Variants in ZBTB20 observed in about 807,000 individuals in gnomAD.
The protein encoded by ZBTB20 is zinc finger and BTB domain containing 20, also known as zinc finger and BTB domain-containing protein 20.
In ZBTB20, 9 loss-of-function variants were observed where a neutral mutation model predicts 56.9. The ratio of observed to expected loss-of-function variants is 0.16; its 90% CI spans 0.10 to 0.28. The LOEUF (loss-of-function observed/expected upper bound fraction) is 0.28, where lower values mean the gene tolerates loss of function less well. Ranked by LOEUF, ZBTB20 falls within the 10% of genes least tolerant of loss-of-function variation. ZBTB20 has a pLI of 1.00. For missense variants in ZBTB20, 655 were observed against 1,003.0 expected, an observed-to-expected ratio of 0.65 and a Z score of 4.69; for synonymous variants, 417 against 420.7, an observed-to-expected ratio of 0.99 and a Z score of 0.11.
chr3:114,595,669 TA>T (rs1196577426), intron 6 of ZBTB20, among the ~76,000 whole-genome samples: 1 of 152,200 alleles, frequency 6.6e-6, no homozygotes, highest in African/African-American at 2.4e-5. Flanking sequence ...TGAGCATGAC[TA>T]AAAACTGGGC....
chr3:114,346,122 T>G (rs1189729702), intron 11 of ZBTB20, among the ~76,000 whole-genome samples: 2 of 152,224 alleles, frequency 1.3e-5, no homozygotes, highest in East Asian at 3.8e-4. Context: ...AGGTGAGCAA[T>G]TTTCTTTTAC....
intron 2 of ZBTB20, among the ~76,000 whole-genome samples, chr3:114,994,393 T>C (rs1291675040): frequency 6.6e-6 from 1 of 151,916 alleles, no homozygotes; most frequent in African/African-American, 2.4e-5. Context: ...TGATATAAAC[T>C]ATTACAGAAA....
chr3:114,324,180 A>G lies in ZBTB20; in HGVS notation c.*14825T>C, dbSNP rs1211512505. 6.6e-6 allele frequency: 1 copy of G among 152,228 alleles called. No homozygotes were observed. Among genetic ancestry groups the G allele is most frequent in the East Asian group, 1.9e-4 (1 of 5,192 alleles). 9.4% of individuals were successfully genotyped at this position (152,228 alleles called of 1,614,324 possible). On this transcript the variant is annotated 3_prime_UTR_variant, in exon 12 of 12. Coordinates refer to ENST00000675478, the MANE Select transcript of ZBTB20 (RefSeq NM_001348800.3). ...GAAAATAAAAGGAAGTAGTCTAGTT[A>G]AAATCAAGGGTATTATTTAGAAGAG... is the stretch of plus-strand genomic sequence containing the variant.
intron 6 of ZBTB20, among the ~76,000 whole-genome samples, chr3:114,614,763 T>TTGTC (rs2057805533): frequency 6.6e-6 from 1 of 151,934 alleles, no homozygotes; most frequent in Admixed American, 6.6e-5. Flanking sequence ...GTTTGTTTGT[T>TTGTC]TGTTTTGAGA....
At chr3:114,846,433 C>CA (rs2107369293) in intron 4 of ZBTB20, among the ~76,000 whole-genome samples, 1 of 152,318 alleles carries the variant, frequency 6.6e-6, no homozygotes, top group South Asian at 2.1e-4. Flanking sequence ...AGCAGCCTGA[C>CA]ACAGGGAGAA....
At chr3:114,586,069 T>G (rs11713824) in intron 6 of ZBTB20, among the ~76,000 whole-genome samples, 2 of 152,252 alleles carry the variant, frequency 1.3e-5, no homozygotes, top group Non-Finnish European at 2.9e-5. Context: ...TGTTTTTATC[T>G]GTTTACCATT....
chr3:115,060,707 T>C (rs960435428), intron 2 of ZBTB20, among the ~76,000 whole-genome samples: 2 of 152,162 alleles, frequency 1.3e-5, no homozygotes, highest in Non-Finnish European at 2.9e-5. Flanking sequence ...AAATAACTTA[T>C]GAATCTCCCT....
intron 2 of ZBTB20, among the ~76,000 whole-genome samples, chr3:114,999,244 A>C (rs2079151725): frequency 7.0e-6 from 1 of 143,846 alleles, no homozygotes; most frequent in South Asian, 2.4e-4. Flanking sequence ...AGGGAAATGA[A>C]AGCAGGAAGG....
intron 2 of ZBTB20, among the ~76,000 whole-genome samples, chr3:114,984,391 C>A (rs1017776152): frequency 1.3e-5 from 2 of 151,928 alleles, no homozygotes; most frequent in Non-Finnish European, 2.9e-5. Context: ...TTGTCCTTTT[C>A]TCAAATCCTC....
intron 6 of ZBTB20, among the ~76,000 whole-genome samples, chr3:114,637,408 T>G (rs2059335931): frequency 6.6e-6 from 1 of 152,114 alleles, no homozygotes; most frequent in African/African-American, 2.4e-5. Context: ...GAAACATAAT[T>G]GGGGTTTCAC....
chr3:114,859,282 T>A (rs1250248847), intron 4 of ZBTB20, among the ~76,000 whole-genome samples: 2 of 28,566 alleles, frequency 7.0e-5, no homozygotes, highest in African/African-American at 9.9e-5. Flanking sequence ...CTTCCTTCCT[T>A]CCTTTCTTCC....
At chr3:114,648,634 A>G (rs780368148) in intron 6 of ZBTB20, among the ~76,000 whole-genome samples, 15 of 152,096 alleles carry the variant, frequency 9.9e-5, no homozygotes, top group Non-Finnish European at 1.6e-4. Flanking sequence ...ATAAAAATCT[A>G]GAAGAATAAG....
At chr3:114,830,823 C>G (rs2073797540) in intron 4 of ZBTB20, among the ~76,000 whole-genome samples, 1 of 151,952 alleles carries the variant, frequency 6.6e-6, no homozygotes, top group Admixed American at 6.6e-5. Context: ...TCTGACCTAA[C>G]TGAGCATAAT....
chr3:114,668,173 C>G (rs1016401970), intron 6 of ZBTB20, among the ~76,000 whole-genome samples: 3 of 151,970 alleles, frequency 2.0e-5, no homozygotes, highest in African/African-American at 7.2e-5. Flanking sequence ...TCCAGCCCGT[C>G]AGTTTCCCTT....
intron 1 of ZBTB20, among the ~76,000 whole-genome samples, chr3:115,094,656 G>T (rs1478583753): frequency 6.6e-6 from 1 of 150,770 alleles, no homozygotes; most frequent in Non-Finnish European, 1.5e-5. Flanking sequence ...AAAAGGAATT[G>T]CAACAACAAA....
At chr3:114,574,409 A>G (rs761787482) in intron 6 of ZBTB20, among the ~76,000 whole-genome samples, 17 of 152,354 alleles carry the variant, frequency 1.1e-4, no homozygotes, top group South Asian at 6.2e-4. Context: ...ATCCACTATC[A>G]CTATGAGTGT....
chr3:114,500,866 G>T, intron 6 of ZBTB20, among the ~76,000 whole-genome samples: 1 of 151,796 alleles, frequency 6.6e-6, no homozygotes, highest in African/African-American at 2.4e-5. Flanking sequence ...GGATAGCACA[G>T]ATAGAAAATG....
chr3:114,979,149 C>T (rs559159954), intron 2 of ZBTB20, among the ~76,000 whole-genome samples: 2 of 152,038 alleles, frequency 1.3e-5, no homozygotes, highest in East Asian at 1.9e-4. Context: ...GTAACATCTC[C>T]AATTAAACTT....
At chr3:114,751,918 T>C (rs1014543767) in intron 5 of ZBTB20, among the ~76,000 whole-genome samples, 1 of 152,140 alleles carries the variant, frequency 6.6e-6, no homozygotes, top group African/African-American at 2.4e-5. Flanking sequence ...TTGAATTGTT[T>C]TGTTAGTAAT....
Sources: gnomAD v4.1 joint callset for allele counts (sites outside exome capture counted in the v4.1 genomes callset) on GRCh38, gnomAD v4.1.1 for gene constraint, MANE v1.5 for transcripts, NCBI Gene and HGNC (gene_info 2026-07-23, HGNC 2026-07-21) for gene names.